Variants in COMMD8 observed in about 807,000 individuals in gnomAD.
COMMD8 encodes the protein COMM domain-containing protein 8.
A neutral mutation model predicts 27.2 loss-of-function variants in COMMD8; 28 were observed. The ratio of observed to expected loss-of-function variants is 1.03; its 90% confidence interval spans 0.76 to 1.41. The LOEUF (loss-of-function observed/expected upper bound fraction) is 1.41. COMMD8 is among the 40% of genes most tolerant of loss of function. COMMD8 has a pLI of 0.00. For missense variants in COMMD8, 217 were observed against 211.2 expected, an observed-to-expected ratio of 1.03 and a Z score of -0.17; for synonymous variants, 79 against 75.5, an observed-to-expected ratio of 1.05 and a Z score of -0.24.
chr4:47,458,074 C>T (rs1354271120), intron 2 of COMMD8, among the ~76,000 whole-genome samples: 1 of 151,892 alleles, frequency 6.6e-6, no homozygotes, highest in Non-Finnish European at 1.5e-5. Flanking sequence ...ATTCAATATC[C>T]ATTCATGGTA....
intron 2 of COMMD8, among the ~76,000 whole-genome samples, chr4:47,457,151 C>T (rs763109078): frequency 4.6e-5 from 7 of 152,062 alleles, no homozygotes; most frequent in Non-Finnish European, 7.4e-5. Flanking sequence ...CAAAAAAATC[C>T]GAAATCCAAA....
At chr4:47,462,357 A>G (rs926333965) in intron 1 of COMMD8, among the ~76,000 whole-genome samples, 17 of 152,090 alleles carry the variant, frequency 1.1e-4, no homozygotes, top group African/African-American at 4.1e-4. Flanking sequence ...CTAGAACGTC[A>G]GGTTGAGAGG....
At chr4:47,455,776 T>C (rs1387546441) in intron 3 of COMMD8, among the ~76,000 whole-genome samples, 2 of 152,182 alleles carry the variant, frequency 1.3e-5, no homozygotes, top group Non-Finnish European at 2.9e-5. Context: ...CTGGTCTAGG[T>C]ATCTTATAAG....
chr4:47,462,738 G>A (rs1457616823), intron 1 of COMMD8, among the ~76,000 whole-genome samples: 3 of 152,160 alleles, frequency 2.0e-5, no homozygotes, highest in Admixed American at 6.5e-5. Flanking sequence ...CTAACTGGAT[G>A]GGCAATCCTG....
chr4:47,454,050 T>G (rs1368131778), intron 3 of COMMD8, among the ~76,000 whole-genome samples: 1 of 152,198 alleles, frequency 6.6e-6, no homozygotes, highest in Non-Finnish European at 1.5e-5. Context: ...GGACCCATAA[T>G]ATCTCAGATC....
chr4:47,462,627 T>C lies in COMMD8; in HGVS notation c.66+959A>G, dbSNP rs148946743. 7.9e-3 allele frequency among the ~76,000 whole-genome samples: 1,201 copies of C among 152,128 alleles called. 16 individuals are homozygous for C. The highest frequency in any genetic ancestry group is 0.028 in the African/African-American group (1,141 of 41,480). On this transcript the variant is annotated intron_variant, in intron 1 of 4. Transcript: ENST00000381571. ...TCATCGACATATATGGTAATAAAGG[T>C]TATGGGCCTTATCTAAATGGGTAGA...
At position 47,453,069 on chromosome 4, in the gene COMMD8, G is replaced by A. The variant is rs149829832; in HGVS notation, c.521C>T (p.Ala174Val). 1.2e-3 allele frequency: 1,855 copies of A among 1,600,318 alleles called. 23 individuals carry two copies. In the Middle Eastern group the frequency reaches 0.014, roughly 12 times the overall value. Residue 174 changes from alanine to valine, a missense_variant, in exon 4 of 5, where the codon GCA becomes GTA. Transcript: ENST00000381571. ...ELQNLIQSLEAANKVVLQLK is the reference protein window; with the variant it reads ...ELQNLIQSLEVANKVVLQLK ...AATTATAGCAAATACCTTATTCGCTGCTTCCAAGGACTGTATTAGATTCTG... is the reference window on the plus strand; with the variant it reads ...AATTATAGCAAATACCTTATTCGCTACTTCCAAGGACTGTATTAGATTCTG...
intron 1 of COMMD8, among the ~76,000 whole-genome samples, chr4:47,462,945 C>T (rs1322807127): frequency 6.6e-6 from 1 of 152,166 alleles, no homozygotes; most frequent in Non-Finnish European, 1.5e-5. Context: ...AGATGCTCCA[C>T]CAGGGCACAG....
At position 47,451,564 on chromosome 4, in the gene COMMD8, G is replaced by T. The variant is rs763293375; in HGVS notation, c.*81C>A. ...TGGTGCAACAGTCAAGACATCACAA[G>T]GTTTCTGAACACGCAGTATTCACTC... On this transcript the variant is annotated 3_prime_UTR_variant, in exon 5 of 5. Coordinates refer to ENST00000381571, the MANE Select transcript of COMMD8 (RefSeq NM_017845.5). The T allele has an allele frequency of 2.8e-6, 3 of 1,068,420 alleles. No homozygotes were observed. The highest frequency in any genetic ancestry group is 1.6e-5 in the African/African-American group (1 of 62,292). 66.2% of individuals were successfully genotyped at this position (1,068,420 alleles called of 1,614,324 possible). A position where few individuals can be genotyped will look rare whatever the true frequency, so the allele number is the denominator to read the frequency against.
chr4:47,460,384 G>T, intron 1 of COMMD8, 85 bp from the exon 2 acceptor site: 1 of 1,138,134 alleles, frequency 8.8e-7, no homozygotes, highest in Non-Finnish European at 1.3e-6. Context: ...AATGTTGGGA[G>T]ATGTTCATGT....
chr4:47,458,582 G>A (rs1266493376), intron 2 of COMMD8, among the ~76,000 whole-genome samples: 2 of 152,148 alleles, frequency 1.3e-5, no homozygotes, highest in South Asian at 2.1e-4. Flanking sequence ...CTTAACTTTG[G>A]AAAGCTAAAT....
intron 3 of COMMD8, among the ~76,000 whole-genome samples, chr4:47,455,419 TA>T (rs1424674977): frequency 6.6e-6 from 1 of 150,496 alleles, no homozygotes; most frequent in African/African-American, 2.4e-5. Flanking sequence ...GTTGCCTGAT[TA>T]ATTTATTTTG....
rs747456252 is a variant in COMMD8, at chr4:47,453,169, A to G, written c.421T>C (p.Leu141=). The change falls in exon 4 of 5, where the codon TTA becomes CTA. Residue 141 remains leucine (L), a synonymous_variant. Transcript: ENST00000381571. The part of the protein sequence containing the change: ...DKIAALRMPL[L]SLHLDVKENG... ...TCTTTTACATCTAGATGCAGGCTTA[A>G]AAGTGGCATTCGTAATGCAGCAATC... 2 of 1,614,102 alleles carry G rather than the reference A, an allele frequency of 1.2e-6. No individual in the cohort carries two copies. Among genetic ancestry groups the G allele is most frequent in the South Asian group, 2.2e-5 (2 of 91,082 alleles).
Position 47,456,722 on chromosome 4 carries a change from T to A in COMMD8, c.230A>T (p.Gln77Leu). The A allele has an allele frequency of 1.9e-6, 3 of 1,569,672 alleles. No homozygotes were observed. The highest frequency in any genetic ancestry group is 2.6e-6 in the Non-Finnish European group (3 of 1,164,168). Residue 77 changes from glutamine to leucine, a missense_variant, in exon 3 of 5, where the codon CAG (glutamine) becomes CTG (leucine). Gln to Leu is a moderately radical substitution (Grantham distance 113). Coordinates refer to ENST00000381571, the MANE Select transcript of COMMD8 (RefSeq NM_017845.5). ...GKNLPDEEIF[Q>L]QLNQLNSLHQ... ...AAGTGAATTCAACTGATTCAACTGC[T>A]GAAATATCTATAAAAATAAAAACAG...
rs372914254 is a variant in COMMD8 at position 47,453,259 on chromosome 4, A to C, written c.376-45T>G. On this transcript the variant is annotated intron_variant, in intron 3 of 4. Transcript: ENST00000381571. Reference sequence around the variant, plus strand: ...TAGCAATTAATAAATAGTAAAAAGAACTATATTGAGTATACATCAGAGGTT... The same window carrying C: ...TAGCAATTAATAAATAGTAAAAAGACCTATATTGAGTATACATCAGAGGTT... 5.5e-5 allele frequency: 84 copies of C among 1,528,818 alleles called. No homozygotes were observed. The highest frequency in any genetic ancestry group is 9.9e-6 in the Non-Finnish European group (11 of 1,111,044). The allele number at this position is 1,528,818 out of a possible 1,614,324, so 94.7% of individuals were successfully genotyped here.
intron 1 of COMMD8, among the ~76,000 whole-genome samples, chr4:47,462,367 G>A (rs1730081905): frequency 6.6e-6 from 1 of 152,054 alleles, no homozygotes; most frequent in African/African-American, 2.4e-5. Context: ...AGGTTGAGAG[G>A]GGCTGGGTGA....
intron 2 of COMMD8, among the ~76,000 whole-genome samples, chr4:47,458,499 A>G (rs10025348): frequency 0.043 from 6,566 of 152,234 alleles, 452 homozygotes; most frequent in African/African-American, 0.15. Flanking sequence ...GCAAGAGCTC[A>G]ACACTGAAAA....
chr4:47,458,685 A>T (rs1729950234), intron 2 of COMMD8, among the ~76,000 whole-genome samples: 1 of 152,102 alleles, frequency 6.6e-6, no homozygotes. Flanking sequence ...CTAGAGGGTT[A>T]TCCGAAAATA....
Position 47,460,309 on chromosome 4 carries a change from AAAAAGGAAAT to A in COMMD8, c.67-20_67-11del. On this transcript the variant is annotated splice_polypyrimidine_tract_variant and intron_variant, in intron 1 of 4. Coordinates refer to ENST00000381571, the MANE Select transcript of COMMD8 (RefSeq NM_017845.5). ...TTATTTTGTGAAGAAGCTAGCAAGA[AAAAAGGAAAT>A]AAATGTACTTATAAGTAAAATGATG... 2 of 1,607,998 alleles carry A rather than the reference AAAAAGGAAAT, an allele frequency of 1.2e-6. No homozygotes were observed. Among genetic ancestry groups the A allele is most frequent in the Non-Finnish European group, 1.7e-6 (2 of 1,177,304 alleles).
Sources: allele counts gnomAD v4.1 joint callset (sites outside exome capture counted in the v4.1 genomes callset), GRCh38; gene constraint gnomAD v4.1.1; transcripts MANE v1.5; gene names NCBI Gene and HGNC (gene_info 2026-07-23, HGNC 2026-07-21).